Variants in GAL3ST2 observed in about 807,000 individuals in gnomAD.
The protein encoded by GAL3ST2 is beta-galactose-3-O-sulfotransferase 2.
A neutral mutation model predicts 12.9 loss-of-function variants in GAL3ST2; 16 were observed. The observed-to-expected ratio is 1.24, with a 90% CI of 0.84 to 1.88. The LOEUF (loss-of-function observed/expected upper bound fraction) is 1.88, where lower values mean the gene tolerates loss of function less well. Among genes scored for constraint, GAL3ST2 ranks in the 40% most tolerant of loss-of-function variants. The probability of loss-of-function intolerance (pLI) is 0.00; values close to 1 mark genes in which losing one functional copy is unlikely to be tolerated. For missense variants in GAL3ST2, 639 were observed against 571.8 expected (o/e 1.12, Z -1.20); for synonymous variants, 302 against 273.9 (o/e 1.10, Z -1.01).
At chr2:241,803,237 AT>A in intron 3 of GAL3ST2, 107 bp from the exon 4 acceptor site, 2 of 860,260 alleles carry the variant, frequency 2.3e-6, no homozygotes, top group Non-Finnish European at 3.5e-6. Flanking sequence ...AGATGTGAGG[AT>A]GGGGGTGCTC....
chr2:241,780,557 C>A (rs992465736), intron 1 of GAL3ST2, among the ~76,000 whole-genome samples: 2 of 152,142 alleles, frequency 1.3e-5, no homozygotes, highest in African/African-American at 4.8e-5. Flanking sequence ...ATAATCTTTT[C>A]TCTCTCCAGT....
At chr2:241,798,753 C>T (rs926577726) in intron 1 of GAL3ST2, among the ~76,000 whole-genome samples, 1 of 152,160 alleles carries the variant, frequency 6.6e-6, no homozygotes, top group African/African-American at 2.4e-5. Context: ...CTGACCTGTT[C>T]CCACCTCTGG....
rs1212898718 is a variant in GAL3ST2 at position 241,793,732 on chromosome 2, G to A, written c.30-5333G>A. On this transcript the variant is annotated intron_variant, in intron 1 of 3. Transcript: ENST00000192314. The surrounding 1 kb of genome is among the most constrained non-coding windows in gnomAD (Gnocchi z 4.7). ...GTATTGTGTATGCATGTGTGTATGT[G>A]TGTATATGTATGTGTGTGTGTATTG... Among the ~76,000 whole-genome samples the A allele has an allele frequency of 6.6e-6, 1 of 151,434 alleles. No individual in the cohort carries two copies. Among genetic ancestry groups the A allele is most frequent in the Non-Finnish European group, 1.5e-5 (1 of 67,710 alleles).
At chr2:241,785,128 A>AT (rs35648877) in intron 1 of GAL3ST2, among the ~76,000 whole-genome samples, 73,510 of 151,698 alleles carry the variant, frequency 0.48, 21,513 homozygotes, top group African/African-American at 0.84. Flanking sequence ...AGTGCACTTA[A>AT]TTTTTTTTTA....
intron 2 of GAL3ST2, among the ~76,000 whole-genome samples, chr2:241,799,528 T>C (rs1699817296): frequency 6.6e-6 from 1 of 152,120 alleles, no homozygotes; most frequent in Non-Finnish European, 1.5e-5. Context: ...GGACAGACCT[T>C]GCAGCCATGG....
chr2:241,799,976 T>G (rs1392174229), intron 2 of GAL3ST2, among the ~76,000 whole-genome samples: 1 of 152,194 alleles, frequency 6.6e-6, no homozygotes, highest in East Asian at 1.9e-4. Flanking sequence ...GGGTCCTTCC[T>G]TTTCCTGGTG....
At chr2:241,785,643 G>A (rs976857212) in intron 1 of GAL3ST2, among the ~76,000 whole-genome samples, 1 of 151,790 alleles carries the variant, frequency 6.6e-6, no homozygotes, top group Admixed American at 6.6e-5. Flanking sequence ...CACCTTCTTG[G>A]TTTTCTTTAA....
In GAL3ST2 at chr2:241,801,725, GC is replaced by G; in HGVS notation, c.120-55del. On this transcript the variant is annotated intron_variant, in intron 2 of 3. Transcript: ENST00000192314. This position sits in a 1 kb window ranked among gnomAD's most constrained non-coding sequence, Gnocchi z 4.4. ...TTGCCGGGCTGGGGGTCGCTGTTGG[GC>G]GGGGGTTGGGGCATCTGCACCCTTG... 6.4e-7 allele frequency: 1 copy of G among 1,573,992 alleles called. No homozygotes were observed. The highest frequency in any genetic ancestry group is 8.6e-7 in the Non-Finnish European group (1 of 1,161,910).
intron 1 of GAL3ST2, among the ~76,000 whole-genome samples, chr2:241,798,791 C>T (rs1202264839): frequency 1.3e-5 from 2 of 152,168 alleles, no homozygotes; most frequent in African/African-American, 2.4e-5. Context: ...TGTCAGCTCC[C>T]GAACCCCAGG....
Position 241,789,733 on chromosome 2 carries a change from G to A in GAL3ST2, c.30-9332G>A, listed in dbSNP as rs147074212. ...CCCGTCCCGGGGCATGGTGGTGGGC[G>A]CCTGTAATCTCAGCTACCTGGGAGG... On this transcript the variant is annotated intron_variant, in intron 1 of 3. Coordinates refer to ENST00000192314, the MANE Select transcript of GAL3ST2 (RefSeq NM_022134.3). 6.7e-4 allele frequency among the ~76,000 whole-genome samples: 102 copies of A among 152,250 alleles called. 1 individual carries two copies. The highest frequency in any genetic ancestry group is 2.0e-3 in the African/African-American group (85 of 41,548).
rs1699764686 is a variant in GAL3ST2 at position 241,795,696 on chromosome 2, A to G, written c.30-3369A>G. Among the ~76,000 whole-genome samples the G allele has an allele frequency of 6.6e-6, 1 of 152,234 alleles. No homozygotes were observed. Among genetic ancestry groups the G allele is most frequent in the African/African-American group, 2.4e-5 (1 of 41,462 alleles). ...AGAAGTGGCCCAATGGCAGAGCAGG[A>G]GCTCCGCTCTCAGTGTGGGGCCTCG... On this transcript the variant is annotated intron_variant, in intron 1 of 3. Transcript: ENST00000192314. This position sits in a 1 kb window ranked among gnomAD's most constrained non-coding sequence, Gnocchi z 4.5.
intron 1 of GAL3ST2, among the ~76,000 whole-genome samples, chr2:241,788,814 G>A (rs1295434414): frequency 6.6e-6 from 1 of 152,158 alleles, no homozygotes; most frequent in Admixed American, 6.5e-5. Flanking sequence ...GAGAAACTGA[G>A]ACTCATAAGA....
Position 241,776,841 on chromosome 2 carries a change from C to A in GAL3ST2, c.-115C>A. ...GATTCCAGTTCACCTGCCCCACAGC[C>A]GCACCCTGCCTGTGCCTGCACCCTG... On this transcript the variant is annotated 5_prime_UTR_variant, in exon 1 of 4. Coordinates refer to ENST00000192314, the MANE Select transcript of GAL3ST2 (RefSeq NM_022134.3). 1.1e-6 allele frequency: 1 copy of A among 875,792 alleles called. No homozygotes were observed. 54.3% of individuals were successfully genotyped at this position (875,792 alleles called of 1,614,324 possible). A position where few individuals can be genotyped will look rare whatever the true frequency, so the allele number is the denominator to read the frequency against.
Position 241,776,970 on chromosome 2 carries a change from G to T in GAL3ST2, c.15G>T (p.Leu5=), listed in dbSNP as rs779148250. 10 of 1,552,226 alleles carry T rather than the reference G, an allele frequency of 6.4e-6. No homozygotes were observed. The African/African-American group carries it at 1.4e-4, about 22-fold the overall frequency. Residue 5 remains leucine, a synonymous_variant, in exon 1 of 4, where the codon CTG becomes CTT. Transcript: ENST00000192314. Reference sequence around the variant, plus strand: ...CAGAGGCCAAGATGATGTCCATGCTGGGCGGCTTGCAGAGGTAAGGGGGGC... The same window carrying T: ...CAGAGGCCAAGATGATGTCCATGCTTGGCGGCTTGCAGAGGTAAGGGGGGC... MMSM[L]GGLQRYFRVI...
At position 241,801,648 on chromosome 2, in the gene GAL3ST2, G is replaced by T; in HGVS notation, c.120-133G>T. The T allele has an allele frequency of 2.5e-6, 3 of 1,212,908 alleles. No homozygotes were observed. The highest frequency in any genetic ancestry group is 3.0e-5 in the South Asian group (2 of 65,726). 75.1% of individuals were successfully genotyped at this position (1,212,908 alleles called of 1,614,324 possible). ...GCCATGGGTCGGTGCCTACCCAGTTGGCCCCCTGGCCTAGAGTTGGGGGGC... is the reference window on the plus strand; with the variant it reads ...GCCATGGGTCGGTGCCTACCCAGTTTGCCCCCTGGCCTAGAGTTGGGGGGC... On this transcript the variant is annotated intron_variant, in intron 2 of 3. Transcript: ENST00000192314. This position sits in a 1 kb window ranked among gnomAD's most constrained non-coding sequence, Gnocchi z 4.4.
chr2:241,784,032 C>T (rs1575361874), intron 1 of GAL3ST2, among the ~76,000 whole-genome samples: 1 of 149,672 alleles, frequency 6.7e-6, no homozygotes, highest in Non-Finnish European at 1.5e-5. Context: ...ATATTAATGT[C>T]TTCTTTTTTT....
intron 1 of GAL3ST2, among the ~76,000 whole-genome samples, chr2:241,782,566 T>C (rs1699577969): frequency 6.6e-6 from 1 of 152,166 alleles, no homozygotes; most frequent in Non-Finnish European, 1.5e-5. Context: ...CCTCAGGTGA[T>C]CCATGTGTCT....
intron 1 of GAL3ST2, among the ~76,000 whole-genome samples, chr2:241,794,684 C>T (rs558331453): frequency 6.6e-6 from 1 of 152,224 alleles, no homozygotes; most frequent in Non-Finnish European, 1.5e-5. Flanking sequence ...GCTACTCTGG[C>T]AACCCCCAGA....
At chr2:241,785,280 G>A (rs1699614591) in intron 1 of GAL3ST2, among the ~76,000 whole-genome samples, 1 of 152,162 alleles carries the variant, frequency 6.6e-6, no homozygotes, top group Non-Finnish European at 1.5e-5. Context: ...GCCCACGTGT[G>A]GTGGCTCACG....
Sources: allele counts gnomAD v4.1 joint callset (sites outside exome capture counted in the v4.1 genomes callset), GRCh38; gene constraint gnomAD v4.1.1; non-coding constraint Gnocchi (gnomAD v3.1); transcripts MANE v1.5; gene names NCBI Gene and HGNC (gene_info 2026-07-23, HGNC 2026-07-21).